The following FARSB variants were observed in gnomAD, a reference collection of about 807,000 sequenced individuals.
FARSB encodes the protein phenylalanine--tRNA ligase beta subunit.
Under a neutral mutation model 69.6 loss-of-function variants are expected in FARSB, and 40 were observed. The observed-to-expected ratio is 0.57, with a 90% CI of 0.45 to 0.75. The LOEUF (loss-of-function observed/expected upper bound fraction) is 0.75. Ranked by LOEUF, FARSB falls within the 30% of genes least tolerant of loss-of-function variation. The pLI is 0.00. For synonymous variants in FARSB, 235 were observed against 247.2 expected (o/e 0.95, Z 0.46); for missense variants, 632 against 722.9 (o/e 0.87, Z 1.44).
At chr2:222,617,414 A>G (rs1395415727) in intron 14 of FARSB, among the ~76,000 whole-genome samples, 1 of 152,232 alleles carries the variant, frequency 6.6e-6, no homozygotes, top group African/African-American at 2.4e-5. Context: ...AAATCTATCA[A>G]GCTTCACTAG....
At chr2:222,654,082 T>C (rs988993270) in intron 1 of FARSB, among the ~76,000 whole-genome samples, 2 of 152,218 alleles carry the variant, frequency 1.3e-5, no homozygotes, top group African/African-American at 2.4e-5. Flanking sequence ...TCTGGATTAT[T>C]TCTTACCTCC....
At chr2:222,632,248 T>C (rs554443335) in intron 7 of FARSB, among the ~76,000 whole-genome samples, 13 of 152,378 alleles carry the variant, frequency 8.5e-5, no homozygotes, top group African/African-American at 1.9e-4. Flanking sequence ...AGGCCTTTAC[T>C]GAATGCATAC....
At chr2:222,632,071 G>A (rs1343403555) in intron 7 of FARSB, among the ~76,000 whole-genome samples, 2 of 152,048 alleles carry the variant, frequency 1.3e-5, no homozygotes, top group East Asian at 3.9e-4. Flanking sequence ...TGGTGCAATG[G>A]CACGAGAGTG....
At chr2:222,634,259 T>C (rs993103561) in intron 6 of FARSB, 132 bp downstream of exon 6, 6 of 540,442 alleles carry the variant, frequency 1.1e-5, no homozygotes, top group African/African-American at 3.8e-5. Flanking sequence ...GATGAATCAC[T>C]GTCTCTAGGT....
intron 16 of FARSB, among the ~76,000 whole-genome samples, chr2:222,591,108 G>A (rs576151514): frequency 2.2e-4 from 34 of 151,764 alleles, no homozygotes; most frequent in Middle Eastern, 3.4e-3. Flanking sequence ...TGGGGAGGCT[G>A]AGATGGGAGG....
At chr2:222,588,405 T>C (rs1160801971) in intron 16 of FARSB, among the ~76,000 whole-genome samples, 2 of 152,192 alleles carry the variant, frequency 1.3e-5, no homozygotes, top group Non-Finnish European at 2.9e-5. Context: ...GCCAATATCA[T>C]ACTGAATAGG....
chr2:222,593,111 A>G (rs1053919826), intron 16 of FARSB, among the ~76,000 whole-genome samples: 2 of 152,148 alleles, frequency 1.3e-5, no homozygotes, highest in African/African-American at 4.8e-5. Flanking sequence ...TGCAGATAAG[A>G]GGAGACTACT....
At chr2:222,634,684 T>C (rs539572464) in intron 5 of FARSB, 143 bp from the exon 6 acceptor site, 3 of 553,782 alleles carry the variant, frequency 5.4e-6, no homozygotes, top group African/African-American at 3.8e-5. Context: ...GATACTTCCC[T>C]GAAACAGCAT....
intron 16 of FARSB, among the ~76,000 whole-genome samples, chr2:222,577,340 C>G (rs1689863638): frequency 6.6e-6 from 1 of 152,114 alleles, no homozygotes. Flanking sequence ...GAGAGGGGAC[C>G]TAATCCCTTG....
In FARSB at chr2:222,600,089, A is replaced by G. The variant is rs375635278; in HGVS notation, c.1463-6T>C. On this transcript the variant is annotated splice_region_variant and splice_polypyrimidine_tract_variant and intron_variant, in intron 15 of 16. Transcript: ENST00000281828. ...GTAGTTTTTTGCACCTACATCTAGA[A>G]AAATAAAGGAACTGGTCACAACGCT... 3 of 1,602,454 alleles carry G rather than the reference A, an allele frequency of 1.9e-6. No homozygotes were observed. The highest frequency in any genetic ancestry group is 2.5e-6 in the Non-Finnish European group (3 of 1,176,738).
rs780628106 is a variant in FARSB at position 222,623,747 on chromosome 2, C to G, written c.1171-17G>C. 6.6e-7 allele frequency: 1 copy of G among 1,522,786 alleles called. No homozygotes were observed. The highest frequency in any genetic ancestry group is 1.1e-5 in the South Asian group (1 of 87,730). The allele number at this position is 1,522,786 out of a possible 1,614,324, so 94.3% of individuals were successfully genotyped here. ...AAGAGGAAACTGAAAAAAAAAGCAT[C>G]CACTTGATTTCACCGCAATTATTTC... On this transcript the variant is annotated splice_polypyrimidine_tract_variant and intron_variant, in intron 12 of 16. Coordinates refer to ENST00000281828, the MANE Select transcript of FARSB (RefSeq NM_005687.5).
intron 16 of FARSB, among the ~76,000 whole-genome samples, chr2:222,583,595 T>A (rs767908635): frequency 6.6e-6 from 1 of 152,136 alleles, no homozygotes; most frequent in Non-Finnish European, 1.5e-5. Flanking sequence ...AAAAGACTAT[T>A]CTAGAAGTCA....
chr2:222,620,119 T>C (rs767705655), intron 13 of FARSB, among the ~76,000 whole-genome samples: 7 of 152,182 alleles, frequency 4.6e-5, no homozygotes, highest in Non-Finnish European at 8.8e-5. Context: ...TCTCCCATGA[T>C]GCCCTAGCCA....
At chr2:222,631,387 C>T (rs1166296850) in intron 8 of FARSB, among the ~76,000 whole-genome samples, 2 of 152,174 alleles carry the variant, frequency 1.3e-5, no homozygotes, top group Non-Finnish European at 2.9e-5. Context: ...ATTCTTGGCA[C>T]TGGAAAGACA....
At chr2:222,631,022 T>C (rs931898343) in intron 8 of FARSB, among the ~76,000 whole-genome samples, 2 of 152,172 alleles carry the variant, frequency 1.3e-5, no homozygotes, top group Non-Finnish European at 2.9e-5. Flanking sequence ...TCATTTAACA[T>C]ATGTAAAGAA....
At chr2:222,645,165 C>A (rs529378268) in intron 2 of FARSB, among the ~76,000 whole-genome samples, 59 of 152,208 alleles carry the variant, frequency 3.9e-4, no homozygotes, top group Non-Finnish European at 6.6e-4. Flanking sequence ...TAATCCAAAC[C>A]CCTTATTTCA....
At chr2:222,619,909 AAAAC>A (rs1468538409) in intron 13 of FARSB, among the ~76,000 whole-genome samples, 172 bp from the exon 14 acceptor site, 23 of 152,320 alleles carry the variant, frequency 1.5e-4, no homozygotes, top group African/African-American at 5.5e-4. Flanking sequence ...ATAATAATAA[AAAAC>A]AAACAAAAAA....
intron 16 of FARSB, among the ~76,000 whole-genome samples, chr2:222,597,877 G>A (rs1193336427): frequency 6.6e-6 from 1 of 151,998 alleles, no homozygotes; most frequent in Non-Finnish European, 1.5e-5. Context: ...TCACCTACCT[G>A]CTTTAAAAGA....
At position 222,568,230 on chromosome 2, in the gene FARSB, A is replaced by C. The variant is rs1199659107; in HGVS notation, c.*3641T>G. On this transcript the variant is annotated 3_prime_UTR_variant, in exon 17 of 17. Transcript: ENST00000281828. This position sits in a 1 kb window ranked among gnomAD's most constrained non-coding sequence, Gnocchi z 4.3. Reference sequence around the variant, plus strand: ...TTAACTCAGTAAGGCCACAGTTTGCAGAGTTTTTTTAAAGTATTGGACTTA... The same window carrying C: ...TTAACTCAGTAAGGCCACAGTTTGCCGAGTTTTTTTAAAGTATTGGACTTA... The C allele has an allele frequency of 6.6e-6, 1 of 152,292 alleles. No homozygotes were observed. The highest frequency in any genetic ancestry group is 1.5e-5 in the Non-Finnish European group (1 of 68,018). The allele number at this position is 152,292 out of a possible 1,614,324, so 9.4% of individuals were successfully genotyped here.
Sources: gnomAD v4.1 joint callset for allele counts (sites outside exome capture counted in the v4.1 genomes callset) on GRCh38, gnomAD v4.1.1 for gene constraint, Gnocchi (gnomAD v3.1) non-coding constraint, MANE v1.5 for transcripts, NCBI Gene and HGNC (gene_info 2026-07-23, HGNC 2026-07-21) for gene names.